PINX1: variants seen among roughly 807,000 people sequenced by gnomAD.
PINX1 encodes PIN2 (TERF1) interacting telomerase inhibitor 1.
Under a neutral mutation model 25.4 loss-of-function variants are expected in PINX1, and 34 were observed. The observed-to-expected ratio is 1.34, with a 90% CI of 1.02 to 1.78. The LOEUF (loss-of-function observed/expected upper bound fraction) is 1.78. Ranked by LOEUF, PINX1 falls within the 40% of genes most tolerant of loss-of-function variation. PINX1 has a pLI of 0.00. For missense variants in PINX1, 592 were observed against 404.9 expected (o/e 1.46, Z -3.97); for synonymous variants, 197 against 147.7 (o/e 1.33, Z -2.42).
intron 6 of PINX1, among the ~76,000 whole-genome samples, chr8:10,817,130 TGAAGACAG>T (rs886954676): frequency 2.0e-5 from 3 of 152,186 alleles, no homozygotes; most frequent in African/African-American, 7.2e-5. Flanking sequence ...CTCTGGATGC[TGAAGACAG>T]ATCAGCATCG....
intron 6 of PINX1, among the ~76,000 whole-genome samples, chr8:10,775,111 T>C (rs924658962): frequency 2.0e-5 from 3 of 152,182 alleles, no homozygotes; most frequent in Admixed American, 1.3e-4. Context: ...TCATAAAAAA[T>C]AAAAATTGTT....
At chr8:10,811,984 G>C (rs1797537849) in intron 6 of PINX1, among the ~76,000 whole-genome samples, 1 of 152,154 alleles carries the variant, frequency 6.6e-6, no homozygotes, top group South Asian at 2.1e-4. Flanking sequence ...GCCATCTTTG[G>C]AAAACAGAAT....
intron 6 of PINX1, among the ~76,000 whole-genome samples, chr8:10,816,817 T>C (rs993043982): frequency 7.6e-6 from 1 of 132,382 alleles, no homozygotes; most frequent in Admixed American, 7.7e-5. Flanking sequence ...AAGGCTGATT[T>C]TGGAATTGGA....
intron 5 of PINX1, among the ~76,000 whole-genome samples, chr8:10,824,749 G>A (rs138239417): frequency 6.6e-6 from 1 of 152,222 alleles, no homozygotes; most frequent in Non-Finnish European, 1.5e-5. Context: ...AAGCGTAAAA[G>A]GCTGCCACAT....
chr8:10,829,667 G>A (rs979430791), intron 4 of PINX1, among the ~76,000 whole-genome samples: 3 of 151,292 alleles, frequency 2.0e-5, no homozygotes, highest in Non-Finnish European at 2.9e-5. Flanking sequence ...AGTCTTATAT[G>A]TTCATGCTTA....
chr8:10,792,140 C>T (rs935089076), intron 6 of PINX1, among the ~76,000 whole-genome samples: 1 of 152,150 alleles, frequency 6.6e-6, no homozygotes, highest in African/African-American at 2.4e-5. Flanking sequence ...GAGAATTATC[C>T]TCTCATTGGA....
intron 6 of PINX1, among the ~76,000 whole-genome samples, chr8:10,781,504 GA>G (rs1412091502): frequency 6.6e-6 from 1 of 152,166 alleles, no homozygotes; most frequent in African/African-American, 2.4e-5. Flanking sequence ...TCAGTAGCAA[GA>G]AAATACATAA....
chr8:10,826,140 G>T lies in PINX1; in HGVS notation c.394+12C>A. On this transcript the variant is annotated intron_variant, in intron 5 of 6. Coordinates refer to ENST00000314787, the MANE Select transcript of PINX1 (RefSeq NM_017884.6). ...AGATTTCAATAACAAGTAAAGAAAT[G>T]CTTAATCTTACCTTTTGTGAATTTC... 1 of 1,434,092 alleles carries T rather than the reference G, an allele frequency of 7.0e-7. No homozygotes were observed. The highest frequency in any genetic ancestry group is 9.7e-7 in the Non-Finnish European group (1 of 1,031,688). The allele number at this position is 1,434,092 out of a possible 1,614,324, so 88.8% of individuals were successfully genotyped here.
rs115557551 is a variant in PINX1, at chr8:10,788,106, A to G, written c.472-22190T>C. ...ATACAGATAGGATGATGTGATGTGT[A>G]GGAATTGCTTCAGTAATGGGAAAGA... On this transcript the variant is annotated intron_variant, in intron 6 of 6. Transcript: ENST00000314787. Among the ~76,000 whole-genome samples, 594 of 152,304 alleles carry G rather than the reference A, an allele frequency of 3.9e-3. 3 individuals carry two copies. The highest frequency in any genetic ancestry group is 0.013 in the African/African-American group (557 of 41,578).
intron 6 of PINX1, among the ~76,000 whole-genome samples, chr8:10,819,045 G>A (rs1006914438): frequency 6.6e-6 from 1 of 152,226 alleles, no homozygotes. Flanking sequence ...TGTCAGAGCG[G>A]CTCCTCCCTA....
chr8:10,805,878 G>C (rs79235450), intron 6 of PINX1, among the ~76,000 whole-genome samples: 1 of 106,694 alleles, frequency 9.4e-6, no homozygotes, highest in Non-Finnish European at 1.9e-5. Flanking sequence ...GCACAGGAAG[G>C]GGCCACACTA....
chr8:10,839,670 G>A, intron 1 of PINX1, 68 bp downstream of exon 1: 1 of 1,522,322 alleles, frequency 6.6e-7, no homozygotes. Context: ...GCCACTCCGG[G>A]CTGCCGTGCG....
intron 6 of PINX1, among the ~76,000 whole-genome samples, chr8:10,791,943 T>A (rs940601773): frequency 3.9e-5 from 6 of 152,120 alleles, no homozygotes; most frequent in Admixed American, 6.5e-5. Flanking sequence ...ACATGCCCCA[T>A]CTCAGTCTCT....
rs1423080533 is a variant in PINX1, at chr8:10,765,920, T to C, written c.472-4A>G. ...GAGTGGAGGGACTGGCATCGCCCTA[T>C]GGTGGGCAGAAGAGTTAAAAGGCAG... On this transcript the variant is annotated splice_region_variant and splice_polypyrimidine_tract_variant and intron_variant, in intron 6 of 6. Coordinates refer to ENST00000314787, the MANE Select transcript of PINX1 (RefSeq NM_017884.6). 10 of 1,612,160 alleles carry C rather than the reference T, an allele frequency of 6.2e-6. No homozygotes were observed. The highest frequency in any genetic ancestry group is 2.7e-5 in the African/African-American group (2 of 74,892).
chr8:10,797,194 G>C (rs1296307114), intron 6 of PINX1, among the ~76,000 whole-genome samples: 1 of 152,158 alleles, frequency 6.6e-6, no homozygotes, highest in African/African-American at 2.4e-5. Context: ...TCTTCAGCCA[G>C]GTTACTTTAA....
intron 6 of PINX1, among the ~76,000 whole-genome samples, chr8:10,809,638 A>T (rs1278186107): frequency 6.6e-6 from 1 of 152,180 alleles, no homozygotes; most frequent in East Asian, 1.9e-4. Flanking sequence ...GGCACTGAAA[A>T]CACAAAGAAG....
Position 10,834,794 on chromosome 8 carries a change from T to C in PINX1, c.20-19A>G, listed in dbSNP as rs772350354. ...CGCCGACCTGTAAATGAAAAAGCAT[T>C]ATCATCAGCAATGGAGATGATACCC... is the stretch of plus-strand genomic sequence containing the variant. On this transcript the variant is annotated intron_variant, in intron 1 of 6. Coordinates refer to ENST00000314787, the MANE Select transcript of PINX1 (RefSeq NM_017884.6). 2.5e-6 allele frequency: 4 copies of C among 1,574,046 alleles called. No individual in the cohort carries two copies. The East Asian group carries it at 6.7e-5, about 26-fold the overall frequency.
intron 6 of PINX1, among the ~76,000 whole-genome samples, chr8:10,807,241 T>C (rs1390172704): frequency 1.3e-5 from 2 of 150,688 alleles, no homozygotes; most frequent in African/African-American, 4.9e-5. Context: ...TAGTAAGACA[T>C]AGCTCTTGAA....
At chr8:10,797,893 G>A (rs533619056) in intron 6 of PINX1, among the ~76,000 whole-genome samples, 3 of 152,306 alleles carry the variant, frequency 2.0e-5, no homozygotes, top group South Asian at 2.1e-4. Context: ...ACACAACCAT[G>A]TCAGGAGAAT....
Sources: allele counts gnomAD v4.1 joint callset (sites outside exome capture counted in the v4.1 genomes callset), GRCh38; gene constraint gnomAD v4.1.1; transcripts MANE v1.5; gene names NCBI Gene and HGNC (gene_info 2026-07-23, HGNC 2026-07-21).